Variants in SPOCK1 observed in about 807,000 individuals in gnomAD.
SPOCK1 encodes SPARC (osteonectin), cwcv and kazal like domains proteoglycan 1, also known as testican-1.
In SPOCK1, 23 loss-of-function variants were observed where a neutral mutation model predicts 55.3. The observed-to-expected ratio is 0.42, with a 90% confidence interval of 0.30 to 0.59. The LOEUF (loss-of-function observed/expected upper bound fraction) is 0.59. Among genes scored for constraint, SPOCK1 ranks in the 20% least tolerant of loss-of-function variants. The pLI is 0.22. For missense variants in SPOCK1, 499 were observed against 552.5 expected (o/e 0.90, Z 0.97); for synonymous variants, 226 against 221.0 (o/e 1.02, Z -0.20).
chr5:137,220,898 C>T (rs1351308863), intron 3 of SPOCK1, among the ~76,000 whole-genome samples: 2 of 152,120 alleles, frequency 1.3e-5, no homozygotes, highest in African/African-American at 4.8e-5. Flanking sequence ...TGAAAAAGTC[C>T]CCCAACTTTT....
intron 2 of SPOCK1, among the ~76,000 whole-genome samples, chr5:137,473,747 A>G (rs1392387074): frequency 2.0e-5 from 3 of 152,252 alleles, no homozygotes; most frequent in Non-Finnish European, 2.9e-5. Context: ...ACTGGGATAT[A>G]GTGTAGGAAC....
At chr5:137,242,197 A>G (rs1038368328) in intron 3 of SPOCK1, among the ~76,000 whole-genome samples, 1 of 152,114 alleles carries the variant, frequency 6.6e-6, no homozygotes. Flanking sequence ...GCAAAACCCC[A>G]TTGATATGGT....
intron 2 of SPOCK1, among the ~76,000 whole-genome samples, chr5:137,312,718 A>G (rs1267671027): frequency 1.3e-5 from 2 of 152,212 alleles, no homozygotes; most frequent in Non-Finnish European, 2.9e-5. Flanking sequence ...GATAGGGTAC[A>G]GTGGACAGGA....
At chr5:137,389,736 T>C (rs550953670) in intron 2 of SPOCK1, among the ~76,000 whole-genome samples, 1 of 152,172 alleles carries the variant, frequency 6.6e-6, no homozygotes, top group African/African-American at 2.4e-5. Context: ...ATGGTTGGAG[T>C]GTGGAAGAAA....
intron 4 of SPOCK1, among the ~76,000 whole-genome samples, chr5:137,131,577 C>T (rs1484512903): frequency 3.3e-5 from 5 of 151,560 alleles, no homozygotes; most frequent in Admixed American, 1.3e-4. Context: ...CACTGCACTC[C>T]AGCCTGGGCA....
chr5:137,208,748 T>C (rs185628633), intron 3 of SPOCK1, among the ~76,000 whole-genome samples: 1 of 152,172 alleles, frequency 6.6e-6, no homozygotes, highest in East Asian at 1.9e-4. Context: ...ATAAATGAAC[T>C]ATTGGATACT....
intron 2 of SPOCK1, among the ~76,000 whole-genome samples, chr5:137,303,291 G>A (rs771146173): frequency 2.0e-5 from 3 of 151,946 alleles, no homozygotes; most frequent in Non-Finnish European, 2.9e-5. Context: ...GGGAAAGCGA[G>A]ACCTATAAGA....
At chr5:137,452,398 A>G (rs1753272962) in intron 2 of SPOCK1, among the ~76,000 whole-genome samples, 1 of 152,192 alleles carries the variant, frequency 6.6e-6, no homozygotes, top group Admixed American at 6.5e-5. Flanking sequence ...TCATTTTGAA[A>G]GGGCGGGGCT....
At chr5:137,069,699 T>A (rs1752573993) in intron 5 of SPOCK1, among the ~76,000 whole-genome samples, 1 of 152,226 alleles carries the variant, frequency 6.6e-6, no homozygotes, top group Admixed American at 6.5e-5. Context: ...ACAGCTGCCA[T>A]GACCGGGCTG....
intron 2 of SPOCK1, among the ~76,000 whole-genome samples, chr5:137,296,522 T>C (rs1241094423): frequency 3.3e-5 from 5 of 152,082 alleles, no homozygotes; most frequent in Admixed American, 1.3e-4. Context: ...GGCTGTGAAA[T>C]TGTGCTCCCG....
intron 2 of SPOCK1, among the ~76,000 whole-genome samples, chr5:137,419,415 G>C (rs1247474503): frequency 1.3e-5 from 2 of 152,108 alleles, no homozygotes; most frequent in Non-Finnish European, 2.9e-5. Context: ...TCACGATATT[G>C]ATTCTTCCTA....
At chr5:137,264,051 A>G (rs1756800364) in intron 3 of SPOCK1, among the ~76,000 whole-genome samples, 1 of 152,102 alleles carries the variant, frequency 6.6e-6, no homozygotes, top group East Asian at 1.9e-4. Context: ...TCTTCTAACT[A>G]TTCACCACAC....
intron 6 of SPOCK1, among the ~76,000 whole-genome samples, chr5:137,003,211 C>A (rs1301969956): frequency 1.3e-5 from 2 of 152,084 alleles, no homozygotes; most frequent in Non-Finnish European, 2.9e-5. Flanking sequence ...TTCATATTAG[C>A]CTGGTCAACA....
At chr5:137,206,777 C>T (rs1442993888) in intron 3 of SPOCK1, among the ~76,000 whole-genome samples, 1 of 152,182 alleles carries the variant, frequency 6.6e-6, no homozygotes, top group Non-Finnish European at 1.5e-5. Context: ...ATCTATGTTC[C>T]AGGCAACATC....
At chr5:137,032,399 G>A (rs1438486420) in intron 6 of SPOCK1, among the ~76,000 whole-genome samples, 1 of 152,156 alleles carries the variant, frequency 6.6e-6, no homozygotes, top group Non-Finnish European at 1.5e-5. Flanking sequence ...TACCAAAAGG[G>A]AAGAATGACT....
chr5:137,437,325 A>C (rs934961139), intron 2 of SPOCK1, among the ~76,000 whole-genome samples: 6 of 152,240 alleles, frequency 3.9e-5, no homozygotes, highest in Non-Finnish European at 5.9e-5. Flanking sequence ...ATCCCTGTAG[A>C]GGAGCACAGA....
intron 4 of SPOCK1, among the ~76,000 whole-genome samples, chr5:137,114,668 G>A (rs958553116): frequency 1.7e-4 from 26 of 152,310 alleles, no homozygotes; most frequent in Non-Finnish European, 2.9e-5. Flanking sequence ...TGTCAGCATG[G>A]GGTTAATCTT....
chr5:137,443,673 G>A (rs931196344), intron 2 of SPOCK1, among the ~76,000 whole-genome samples: 6 of 152,092 alleles, frequency 3.9e-5, no homozygotes, highest in African/African-American at 1.4e-4. Flanking sequence ...ATCCTCACTA[G>A]CCCCTCTCCA....
At chr5:137,428,257 T>C (rs1211153325) in intron 2 of SPOCK1, among the ~76,000 whole-genome samples, 1 of 152,198 alleles carries the variant, frequency 6.6e-6, no homozygotes, top group Non-Finnish European at 1.5e-5. Context: ...GACTGTATCC[T>C]TTATACAACA....
Sources: allele counts gnomAD v4.1 joint callset (sites outside exome capture counted in the v4.1 genomes callset), GRCh38; gene constraint gnomAD v4.1.1; transcripts MANE v1.5; gene names NCBI Gene and HGNC (gene_info 2026-07-23, HGNC 2026-07-21).